The following STRN variants were observed in gnomAD, a reference collection of about 807,000 sequenced individuals.
STRN encodes the protein protein phosphatase 2 regulatory subunit B'''alpha.
Under a neutral mutation model 96.3 loss-of-function variants are expected in STRN, and 53 were observed. The observed-to-expected ratio is 0.55, with a 90% CI of 0.44 to 0.69. STRN has a LOEUF of 0.69. STRN is among the 30% of genes least tolerant of loss of function. The probability of loss-of-function intolerance (pLI) is 0.00; values close to 1 mark genes in which losing one functional copy is unlikely to be tolerated. For missense variants in STRN, 987 were observed against 963.9 expected, an observed-to-expected ratio of 1.02 and a Z score of -0.32; for synonymous variants, 428 against 355.9, an observed-to-expected ratio of 1.20 and a Z score of -2.28.
At chr2:36,947,311 C>T (rs1186208115) in intron 1 of STRN, among the ~76,000 whole-genome samples, 1 of 151,998 alleles carries the variant, frequency 6.6e-6, no homozygotes, top group Non-Finnish European at 1.5e-5. Flanking sequence ...ACAATATTCA[C>T]TTCCTGCTAA....
Position 36,869,738 on chromosome 2 carries a change from G to C in STRN, c.1324-9C>G. The C allele has an allele frequency of 3.8e-6, 6 of 1,564,424 alleles. No homozygotes were observed. Among genetic ancestry groups the C allele is most frequent in the Non-Finnish European group, 5.2e-6 (6 of 1,156,524 alleles). ...TCTTTATTGTTTGCTATCTATTAAA[G>C]AAACAAAACAAAGATATCTACACAC... On this transcript the variant is annotated splice_polypyrimidine_tract_variant and intron_variant, in intron 10 of 17. Coordinates refer to ENST00000263918, the MANE Select transcript of STRN (RefSeq NM_003162.4).
At chr2:36,957,448 C>A (rs1261172007) in intron 1 of STRN, among the ~76,000 whole-genome samples, 2 of 151,968 alleles carry the variant, frequency 1.3e-5, no homozygotes, top group African/African-American at 4.8e-5. Context: ...ATTAGCCAGG[C>A]GTGGTGGTGC....
intron 14 of STRN, among the ~76,000 whole-genome samples, chr2:36,856,446 C>T (rs1298748554): frequency 6.6e-6 from 1 of 152,066 alleles, no homozygotes; most frequent in Non-Finnish European, 1.5e-5. Context: ...TAATGAAATA[C>T]TATCAAATAA....
chr2:36,944,548 T>C (rs889421329), intron 1 of STRN, among the ~76,000 whole-genome samples: 1 of 152,210 alleles, frequency 6.6e-6, no homozygotes, highest in African/African-American at 2.4e-5. Flanking sequence ...CCCAATGACT[T>C]CATTTAACTT....
At chr2:36,954,520 GA>G (rs35594116) in intron 1 of STRN, among the ~76,000 whole-genome samples, 3,484 of 84,838 alleles carry the variant, frequency 0.041, 34 homozygotes, top group South Asian at 0.053. Flanking sequence ...TCAAACAGGG[GA>G]AAAAAAAAAA....
intron 1 of STRN, among the ~76,000 whole-genome samples, chr2:36,941,716 A>ATTTTTTTTTTT (rs34746648): frequency 7.4e-5 from 10 of 134,848 alleles, no homozygotes; most frequent in African/African-American, 2.3e-4. Flanking sequence ...CACCCAGCTA[A>ATTTTTTTTTTT]TTTTTTTTTT....
chr2:36,929,008 T>C (rs1670497720), intron 1 of STRN, among the ~76,000 whole-genome samples: 1 of 151,542 alleles, frequency 6.6e-6, no homozygotes. Flanking sequence ...ATCATCATAC[T>C]GCCATTTATC....
intron 1 of STRN, among the ~76,000 whole-genome samples, chr2:36,945,897 C>A (rs1670970222): frequency 6.6e-6 from 1 of 152,110 alleles, no homozygotes; most frequent in Non-Finnish European, 1.5e-5. Flanking sequence ...CATAGTAATT[C>A]TTAGAAAGCA....
chr2:36,924,067 A>C (rs1378547284), intron 2 of STRN, among the ~76,000 whole-genome samples: 2 of 152,132 alleles, frequency 1.3e-5, no homozygotes, highest in African/African-American at 4.8e-5. Flanking sequence ...CACAAAAAAA[A>C]GTCTATAGGC....
intron 1 of STRN, among the ~76,000 whole-genome samples, chr2:36,961,473 C>T (rs1410812275): frequency 6.6e-6 from 1 of 151,910 alleles, no homozygotes; most frequent in Non-Finnish European, 1.5e-5. Flanking sequence ...TTTCTCAAAC[C>T]CCACATTCTA....
chr2:36,878,849 T>A (rs567243474), intron 9 of STRN, among the ~76,000 whole-genome samples: 1 of 152,178 alleles, frequency 6.6e-6, no homozygotes, highest in African/African-American at 2.4e-5. Flanking sequence ...ACCTCCTGGG[T>A]TCAAGAAATT....
intron 8 of STRN, among the ~76,000 whole-genome samples, chr2:36,885,277 T>C (rs1159991167): frequency 6.6e-6 from 1 of 152,172 alleles, no homozygotes; most frequent in African/African-American, 2.4e-5. Flanking sequence ...AAGGATCTTT[T>C]GTATTTCAAG....
At chr2:36,896,516 TC>T (rs1669543967) in intron 6 of STRN, among the ~76,000 whole-genome samples, 2 of 152,302 alleles carry the variant, frequency 1.3e-5, no homozygotes, top group South Asian at 4.1e-4. Flanking sequence ...CCACTCCACT[TC>T]TACCTTCGAT....
chr2:36,924,924 CA>C lies in STRN; in HGVS notation c.338+180del, dbSNP rs201716690. 6.0e-3 allele frequency among the ~76,000 whole-genome samples: 918 copies of C among 152,228 alleles called. 10 individuals carry two copies. The highest frequency in any genetic ancestry group is 0.02 in the African/African-American group (823 of 41,520). On this transcript the variant is annotated intron_variant, in intron 2 of 17. Coordinates refer to ENST00000263918, the MANE Select transcript of STRN (RefSeq NM_003162.4). ...ATACAAAATTAGCTGGGTGTGGTGG[CA>C]CATGCCTATAATCCCAGCTACTGGG...
At chr2:36,948,848 A>G (rs570103064) in intron 1 of STRN, among the ~76,000 whole-genome samples, 1 of 152,244 alleles carries the variant, frequency 6.6e-6, no homozygotes, top group Non-Finnish European at 1.5e-5. Context: ...AATTTGAATA[A>G]AGAATATATA....
At chr2:36,933,574 G>C (rs1572685330) in intron 1 of STRN, among the ~76,000 whole-genome samples, 1 of 152,172 alleles carries the variant, frequency 6.6e-6, no homozygotes, top group Non-Finnish European at 1.5e-5. Context: ...AGAAGCTAGA[G>C]GCCCAATGTA....
At chr2:36,887,183 C>T (rs1669257730) in intron 7 of STRN, among the ~76,000 whole-genome samples, 3 of 151,488 alleles carry the variant, frequency 2.0e-5, no homozygotes, top group African/African-American at 7.3e-5. Flanking sequence ...AATTCCAGCA[C>T]TTTAGGAGGC....
chr2:36,883,413 T>C (rs1034760680), intron 9 of STRN, among the ~76,000 whole-genome samples: 1 of 152,072 alleles, frequency 6.6e-6, no homozygotes, highest in Non-Finnish European at 1.5e-5. Context: ...GCCAAGGTCA[T>C]GCCACTGCAC....
At chr2:36,964,184 G>GGA (rs1558673420) in intron 1 of STRN, among the ~76,000 whole-genome samples, 5 of 78,246 alleles carry the variant, frequency 6.4e-5, no homozygotes, top group East Asian at 5.6e-4. Flanking sequence ...ACGGGGCGGG[G>GGA]CGGGGGGAAG....
Sources: gnomAD v4.1 joint callset for allele counts (sites outside exome capture counted in the v4.1 genomes callset) on GRCh38, gnomAD v4.1.1 for gene constraint, MANE v1.5 for transcripts, NCBI Gene and HGNC (gene_info 2026-07-23, HGNC 2026-07-21) for gene names.